HS3ST4: variants seen among roughly 807,000 people sequenced by gnomAD.
HS3ST4 encodes heparan sulfate-glucosamine 3-sulfotransferase 4.
In HS3ST4, 17 loss-of-function variants were observed where a neutral mutation model predicts 29.2. The observed-to-expected ratio is 0.58, with a 90% CI of 0.40 to 0.87. The LOEUF (loss-of-function observed/expected upper bound fraction) is 0.87, where lower values mean the gene tolerates loss of function less well. Ranked by LOEUF, HS3ST4 falls within the 40% of genes least tolerant of loss-of-function variation. The pLI, the probability that HS3ST4 is intolerant of heterozygous loss-of-function variation, is 0.00. For missense variants in HS3ST4, 627 were observed against 634.5 expected, an observed-to-expected ratio of 0.99 and a Z score of 0.13; for synonymous variants, 314 against 285.7, an observed-to-expected ratio of 1.10 and a Z score of -1.00.
At chr16:26,031,706 T>C (rs1208369826) in intron 1 of HS3ST4, among the ~76,000 whole-genome samples, 1 of 119,012 alleles carries the variant, frequency 8.4e-6, no homozygotes, top group Non-Finnish European at 1.6e-5. Flanking sequence ...GGAGGCGTGT[T>C]TTTTTTTTTT....
chr16:25,978,869 G>T (rs982564452), intron 1 of HS3ST4, among the ~76,000 whole-genome samples: 5 of 151,922 alleles, frequency 3.3e-5, no homozygotes, highest in African/African-American at 1.2e-4. Flanking sequence ...GACATAACTA[G>T]CCACGGGGAC....
rs544981781 is a variant in HS3ST4, at chr16:25,998,445, A to G, written c.735-137167A>G. On this transcript the variant is annotated intron_variant, in intron 1 of 1. Transcript: ENST00000331351. ...CACATCACACTTTGGAGTCATATTG[A>G]GTTAGTCGTTGAATAGCTGTTATCA... 5.9e-5 allele frequency among the ~76,000 whole-genome samples: 9 copies of G among 152,302 alleles called. No homozygotes were observed. The South Asian group carries it at 1.9e-3, about 32-fold the overall frequency.
intron 1 of HS3ST4, among the ~76,000 whole-genome samples, chr16:25,791,781 C>G (rs951128144): frequency 1.3e-5 from 2 of 151,958 alleles, no homozygotes; most frequent in Admixed American, 1.3e-4. Flanking sequence ...ACTGTATATT[C>G]TTTTGTATTT....
At chr16:25,928,502 A>G (rs1167104383) in intron 1 of HS3ST4, among the ~76,000 whole-genome samples, 2 of 152,234 alleles carry the variant, frequency 1.3e-5, no homozygotes, top group East Asian at 3.8e-4. Context: ...TAAATGGGAT[A>G]TCTTCCAATC....
At chr16:26,053,999 A>G (rs764306175) in intron 1 of HS3ST4, among the ~76,000 whole-genome samples, 1 of 152,132 alleles carries the variant, frequency 6.6e-6, no homozygotes, top group Non-Finnish European at 1.5e-5. Context: ...CCACAAAGAC[A>G]AGGAAAAGGA....
intron 1 of HS3ST4, among the ~76,000 whole-genome samples, chr16:25,912,111 C>A (rs35071664): frequency 0.11 from 16,368 of 152,114 alleles, 1,083 homozygotes; most frequent in Non-Finnish European, 0.15. Flanking sequence ...GAGATAAAGC[C>A]CATCTGTGTT....
intron 1 of HS3ST4, among the ~76,000 whole-genome samples, chr16:25,961,803 G>C (rs1022658068): frequency 8.5e-6 from 1 of 118,140 alleles, no homozygotes; most frequent in African/African-American, 4.1e-5. Flanking sequence ...TGAAAGAGTT[G>C]GACAAAAAAA....
At chr16:25,777,371 G>C (rs183160545) in intron 1 of HS3ST4, among the ~76,000 whole-genome samples, 4 of 152,154 alleles carry the variant, frequency 2.6e-5, no homozygotes, top group Admixed American at 1.3e-4. Context: ...GTGTGTCCAA[G>C]ACAGCTCTAG....
chr16:26,043,942 C>T (rs1392793841), intron 1 of HS3ST4, among the ~76,000 whole-genome samples: 3 of 152,216 alleles, frequency 2.0e-5, no homozygotes, highest in Admixed American at 2.0e-4. Context: ...AATGCAAGAA[C>T]CTCTTAACCA....
chr16:26,078,043 G>A (rs2141780734), intron 1 of HS3ST4, among the ~76,000 whole-genome samples: 1 of 152,326 alleles, frequency 6.6e-6, no homozygotes, highest in South Asian at 2.1e-4. Context: ...TGCAGTGTGG[G>A]TAACAGAACA....
chr16:25,733,168 G>A (rs1178796142), intron 1 of HS3ST4, among the ~76,000 whole-genome samples: 1 of 152,218 alleles, frequency 6.6e-6, no homozygotes, highest in Non-Finnish European at 1.5e-5. Context: ...TTATCAAGAT[G>A]CAAACACATG....
At chr16:25,946,235 G>T (rs1449475617) in intron 1 of HS3ST4, among the ~76,000 whole-genome samples, 1 of 152,216 alleles carries the variant, frequency 6.6e-6, no homozygotes, top group Non-Finnish European at 1.5e-5. Context: ...TTACAGTGCA[G>T]ATGTTGAGGG....
chr16:25,807,505 T>C (rs1967001085), intron 1 of HS3ST4, among the ~76,000 whole-genome samples: 1 of 152,234 alleles, frequency 6.6e-6, no homozygotes, highest in African/African-American at 2.4e-5. Context: ...CTTCTTTTTA[T>C]TACTAAGTGG....
intron 1 of HS3ST4, among the ~76,000 whole-genome samples, chr16:26,130,300 C>A (rs74593208): frequency 6.6e-6 from 1 of 152,304 alleles, no homozygotes; most frequent in Non-Finnish European, 1.5e-5. Flanking sequence ...AGTGCATGGT[C>A]TTTCAGACAG....
chr16:26,062,511 A>G (rs1220979344), intron 1 of HS3ST4, among the ~76,000 whole-genome samples: 1 of 152,054 alleles, frequency 6.6e-6, no homozygotes, highest in Non-Finnish European at 1.5e-5. Flanking sequence ...CAGGGATGAG[A>G]CAGTTGTACC....
At chr16:25,827,410 G>A (rs1012300247) in intron 1 of HS3ST4, among the ~76,000 whole-genome samples, 4 of 152,108 alleles carry the variant, frequency 2.6e-5, no homozygotes, top group Non-Finnish European at 5.9e-5. Flanking sequence ...AGGTGGGACA[G>A]GGAAGGCCAC....
intron 1 of HS3ST4, among the ~76,000 whole-genome samples, chr16:25,958,400 C>T (rs149010570): frequency 1.3e-5 from 2 of 151,572 alleles, no homozygotes; most frequent in Non-Finnish European, 2.9e-5. Flanking sequence ...GGTGTGATCT[C>T]GGCTCACTGC....
chr16:26,130,136 G>T (rs1047200964), intron 1 of HS3ST4, among the ~76,000 whole-genome samples: 1 of 152,192 alleles, frequency 6.6e-6, no homozygotes, highest in African/African-American at 2.4e-5. Context: ...AACATTTGGG[G>T]CTGTGAGAGC....
intron 1 of HS3ST4, among the ~76,000 whole-genome samples, chr16:25,975,488 T>C (rs958312124): frequency 1.3e-5 from 2 of 152,146 alleles, no homozygotes; most frequent in Non-Finnish European, 2.9e-5. Flanking sequence ...GTCCAAACAT[T>C]ATGGCACTTT....
Sources: gnomAD v4.1 joint callset for allele counts (sites outside exome capture counted in the v4.1 genomes callset) on GRCh38, gnomAD v4.1.1 for gene constraint, MANE v1.5 for transcripts, NCBI Gene and HGNC (gene_info 2026-07-23, HGNC 2026-07-21) for gene names.